Variants in KLHL20 observed in about 807,000 individuals in gnomAD.
KLHL20 encodes the protein kelch-like protein 20.
A neutral mutation model predicts 69.5 loss-of-function variants in KLHL20; 29 were observed. The observed-to-expected ratio is 0.42, with a 90% confidence interval of 0.31 to 0.57. The LOEUF (loss-of-function observed/expected upper bound fraction) is 0.57. KLHL20 is among the 20% of genes least tolerant of loss of function. The probability of loss-of-function intolerance (pLI) is 0.18; values close to 1 mark genes in which losing one functional copy is unlikely to be tolerated. For synonymous variants in KLHL20, 253 were observed against 265.2 expected, an observed-to-expected ratio of 0.95 and a Z score of 0.45; for missense variants, 419 against 776.0, an observed-to-expected ratio of 0.54 and a Z score of 5.47.
intron 3 of KLHL20, among the ~76,000 whole-genome samples, chr1:173,736,802 G>A (rs1398977952): frequency 6.6e-6 from 1 of 152,044 alleles, no homozygotes; most frequent in African/African-American, 2.4e-5. Flanking sequence ...CACCATGTTG[G>A]CCAGGCTGGT....
chr1:173,733,624 C>A, intron 2 of KLHL20, 89 bp from the exon 3 acceptor site: 4 of 1,128,682 alleles, frequency 3.5e-6, no homozygotes, highest in Non-Finnish European at 5.1e-6. Context: ...AATTACATTT[C>A]CTTATCGCTT....
intron 3 of KLHL20, among the ~76,000 whole-genome samples, chr1:173,736,020 C>G (rs917205609): frequency 6.7e-6 from 1 of 148,576 alleles, no homozygotes; most frequent in Admixed American, 6.8e-5. Context: ...AATCTCAGCT[C>G]ACTGCAACTT....
rs773640084 is a variant in KLHL20, at chr1:173,751,897, A to C, written c.731A>C (p.Gln244Pro). 4 of 1,614,108 alleles carry C rather than the reference A, an allele frequency of 2.5e-6. No homozygotes were observed. In the Admixed American group the frequency reaches 6.7e-5, roughly 27 times the overall value. ...ATGGCCTGGGTCAAATACAGTATTC[A>C]GGAAAGACGTCCTCAATTACCCCAG... ...AVMAWVKYSI[Q>P]ERRPQLPQVL... The change falls in exon 4 of 12, where the codon CAG becomes CCG. Residue 244 changes from glutamine (Q) to proline (P), a missense_variant. By Grantham distance (76) the Gln-to-Pro change is moderately conservative. Transcript: ENST00000209884.
intron 7 of KLHL20, among the ~76,000 whole-genome samples, chr1:173,765,732 CGTT>C (rs1647661915): frequency 6.6e-6 from 1 of 151,692 alleles, no homozygotes; most frequent in Admixed American, 6.6e-5. Flanking sequence ...TCTCAAAAAA[CGTT>C]GAGGGAAAAA....
chr1:173,740,738 AAGC>A (rs1672768570), intron 3 of KLHL20, among the ~76,000 whole-genome samples: 1 of 151,854 alleles, frequency 6.6e-6, no homozygotes, highest in African/African-American at 2.4e-5. Flanking sequence ...CCCGCCGAGA[AAGC>A]AGGCAGGACT....
chr1:173,763,552 G>A (rs919422898), intron 7 of KLHL20, among the ~76,000 whole-genome samples: 1 of 152,154 alleles, frequency 6.6e-6, no homozygotes, highest in East Asian at 1.9e-4. Flanking sequence ...TAGACCAATG[G>A]AACAGAATAG....
Position 173,742,300 on chromosome 1 carries a change from G to A in KLHL20, c.597+8014G>A, listed in dbSNP as rs145776481. ...CAACCCTTTTGAAAGGAACTACGGC[G>A]GTATCTATCAAAGTTACATACTTTT... On this transcript the variant is annotated intron_variant, in intron 3 of 11. Transcript: ENST00000209884. 4.2e-3 allele frequency among the ~76,000 whole-genome samples: 642 copies of A among 152,154 alleles called. 2 individuals are homozygous for A. Among genetic ancestry groups the A allele is most frequent in the Non-Finnish European group, 6.1e-3 (416 of 68,016 alleles).
At chr1:173,778,627 C>T (rs1197436467) in intron 10 of KLHL20, among the ~76,000 whole-genome samples, 1 of 152,080 alleles carries the variant, frequency 6.6e-6, no homozygotes, top group Non-Finnish European at 1.5e-5. Context: ...GCATGAGCCA[C>T]CACACTTAGC....
intron 2 of KLHL20, among the ~76,000 whole-genome samples, chr1:173,720,505 C>G (rs1450378132): frequency 2.0e-5 from 3 of 152,078 alleles, no homozygotes; most frequent in Non-Finnish European, 4.4e-5. Context: ...TATTTAAGAG[C>G]CAATGGACAT....
chr1:173,761,441 T>G (rs1285561584), intron 7 of KLHL20, among the ~76,000 whole-genome samples: 1 of 152,186 alleles, frequency 6.6e-6, no homozygotes, highest in Admixed American at 6.5e-5. Context: ...CACATTCTAT[T>G]CAACAGCTCA....
chr1:173,722,584 T>G (rs1487089482), intron 2 of KLHL20, among the ~76,000 whole-genome samples: 1 of 152,022 alleles, frequency 6.6e-6, no homozygotes, highest in Non-Finnish European at 1.5e-5. Flanking sequence ...ACCACTGCAC[T>G]TCATCCTCAG....
chr1:173,728,955 G>T (rs1672115733), intron 2 of KLHL20, among the ~76,000 whole-genome samples: 1 of 152,230 alleles, frequency 6.6e-6, no homozygotes, highest in East Asian at 1.9e-4. Flanking sequence ...TTTTTGAAAA[G>T]ATCAACAAAA....
At chr1:173,726,258 C>T (rs940374172) in intron 2 of KLHL20, among the ~76,000 whole-genome samples, 1 of 151,894 alleles carries the variant, frequency 6.6e-6, no homozygotes, top group African/African-American at 2.4e-5. Context: ...GAAGCTCGAA[C>T]GTGGTGGAGC....
At chr1:173,744,630 G>T (rs74932135) in intron 3 of KLHL20, among the ~76,000 whole-genome samples, 2,088 of 152,168 alleles carry the variant, frequency 0.014, 47 homozygotes, top group African/African-American at 0.046. Context: ...TTATCTTTGT[G>T]TATGGTGTGA....
chr1:173,781,974 T>C (rs995407037), intron 10 of KLHL20, 150 bp from the exon 11 acceptor site: 3 of 562,708 alleles, frequency 5.3e-6, no homozygotes, highest in Non-Finnish European at 9.7e-6. Context: ...TGATAGACTT[T>C]TGTTGTTACA....
chr1:173,739,581 TA>T (rs1672695532), intron 3 of KLHL20, among the ~76,000 whole-genome samples: 1 of 151,712 alleles, frequency 6.6e-6, no homozygotes, highest in African/African-American at 2.4e-5. Context: ...TTTGTGCACA[TA>T]AGGATGTTCA....
intron 2 of KLHL20, among the ~76,000 whole-genome samples, chr1:173,733,044 G>C (rs1323206760): frequency 1.7e-5 from 2 of 119,382 alleles, no homozygotes; most frequent in Non-Finnish European, 3.4e-5. Flanking sequence ...TTTTTTTTGA[G>C]ACAGAGTCTC....
chr1:173,732,268 G>T (rs1672320795), intron 2 of KLHL20, among the ~76,000 whole-genome samples: 1 of 150,966 alleles, frequency 6.6e-6, no homozygotes, highest in African/African-American at 2.4e-5. Context: ...CTTGAGCCTA[G>T]GAGTTCAAGA....
At chr1:173,740,941 G>C (rs1672782348) in intron 3 of KLHL20, among the ~76,000 whole-genome samples, 1 of 152,200 alleles carries the variant, frequency 6.6e-6, no homozygotes, top group African/African-American at 2.4e-5. Context: ...AAGGACCCCT[G>C]TGAGATAAAG....
Sources: allele counts gnomAD v4.1 joint callset (sites outside exome capture counted in the v4.1 genomes callset), GRCh38; gene constraint gnomAD v4.1.1; transcripts MANE v1.5; gene names NCBI Gene and HGNC (gene_info 2026-07-23, HGNC 2026-07-21).